VDAC1: variants seen among roughly 807,000 people sequenced by gnomAD.
VDAC1 encodes voltage dependent anion channel 1.
VDAC1 carries 10 observed loss-of-function variants against 34.7 expected under a neutral mutation model. The observed-to-expected ratio is 0.29, with a 90% CI of 0.18 to 0.49. VDAC1 has a LOEUF of 0.49. Among genes scored for constraint, VDAC1 ranks in the 20% least tolerant of loss-of-function variants. The probability of loss-of-function intolerance (pLI) is 0.99; values close to 1 mark genes in which losing one functional copy is unlikely to be tolerated. For missense variants in VDAC1, 230 were observed against 347.9 expected (o/e 0.66, Z 2.69); for synonymous variants, 130 against 136.0 (o/e 0.96, Z 0.30).
chr5:133,976,032 G>A lies in VDAC1; in HGVS notation c.552-11C>T. Reference sequence around the variant, plus strand: ...TCTGTCCCGTCATTCCTGCAAACAAGCACAGGACAGATGCTGAGCTTCCCA... The same window carrying A: ...TCTGTCCCGTCATTCCTGCAAACAAACACAGGACAGATGCTGAGCTTCCCA... On this transcript the variant is annotated splice_polypyrimidine_tract_variant and intron_variant, in intron 6 of 8. Transcript: ENST00000265333. 2 of 1,614,102 alleles carry A rather than the reference G, an allele frequency of 1.2e-6. No individual in the cohort carries two copies. Among genetic ancestry groups the A allele is most frequent in the Non-Finnish European group, 1.7e-6 (2 of 1,179,976 alleles).
At chr5:134,020,390 C>A in the VDAC1 span, among the ~76,000 whole-genome samples, 1 of 152,038 alleles carries the variant, frequency 6.6e-6, no homozygotes, top group Non-Finnish European at 1.5e-5. Context: ...ATTTGCTTCC[C>A]CTTAACTGTG....
intron 5 of VDAC1, among the ~76,000 whole-genome samples, chr5:133,990,397 A>G (rs1753062479): frequency 6.6e-6 from 1 of 152,210 alleles, no homozygotes; most frequent in South Asian, 2.1e-4. Flanking sequence ...CCAGCAGCCT[A>G]ACTCACATGA....
the VDAC1 span, among the ~76,000 whole-genome samples, chr5:134,046,359 CG>C: frequency 6.6e-6 from 1 of 151,874 alleles, no homozygotes; most frequent in Non-Finnish European, 1.5e-5. Flanking sequence ...AAAATAGAGA[CG>C]GGGTCTCCTT....
At chr5:133,985,842 A>G (rs1441659959) in intron 5 of VDAC1, among the ~76,000 whole-genome samples, 2 of 152,104 alleles carry the variant, frequency 1.3e-5, no homozygotes, top group Admixed American at 1.3e-4. Context: ...TCCTTTTTCA[A>G]TTTTTAATAA....
At chr5:134,030,671 G>A in the VDAC1 span, among the ~76,000 whole-genome samples, 3 of 151,176 alleles carry the variant, frequency 2.0e-5, no homozygotes, top group Non-Finnish European at 4.4e-5. Flanking sequence ...TGGTGACAGC[G>A]ATCTCAGCTC....
At chr5:134,114,122 G>A in the VDAC1 span, among the ~76,000 whole-genome samples, 3 of 152,200 alleles carry the variant, frequency 2.0e-5, no homozygotes, top group African/African-American at 7.2e-5. Flanking sequence ...TGTGCGAAGG[G>A]GGGTATACTT....
At chr5:133,992,380 C>G (rs996917117) in intron 2 of VDAC1, 25 bp from the exon 3 acceptor site, 1 of 1,542,896 alleles carries the variant, frequency 6.5e-7, no homozygotes, top group African/African-American at 1.4e-5. Context: ...AGACAACTGT[C>G]AATAGGTTAA....
the VDAC1 span, among the ~76,000 whole-genome samples, chr5:134,012,809 A>G: frequency 2.0e-5 from 3 of 152,192 alleles, no homozygotes; most frequent in African/African-American, 7.2e-5. Context: ...AAAATAACAG[A>G]ATTGGAGGCA....
chr5:134,111,140 G>C, the VDAC1 span, among the ~76,000 whole-genome samples: 1 of 152,150 alleles, frequency 6.6e-6, no homozygotes, highest in African/African-American at 2.4e-5. Flanking sequence ...GGCTCAGAGA[G>C]GGTCAGCAAT....
chr5:134,095,274 G>A, the VDAC1 span, among the ~76,000 whole-genome samples: 1 of 152,066 alleles, frequency 6.6e-6, no homozygotes, highest in South Asian at 2.1e-4. Context: ...CTGATGCCAG[G>A]AGTTCGAGAC....
chr5:134,113,197 T>A, the VDAC1 span, among the ~76,000 whole-genome samples: 8 of 152,256 alleles, frequency 5.3e-5, no homozygotes, highest in South Asian at 1.7e-3. Flanking sequence ...TGGGGAGACC[T>A]AATGGGCAGG....
At chr5:134,064,759 C>G in the VDAC1 span, among the ~76,000 whole-genome samples, 3 of 151,662 alleles carry the variant, frequency 2.0e-5, no homozygotes, top group African/African-American at 7.3e-5. Flanking sequence ...GCTCTATCAC[C>G]CAGGCTAGAG....
intron 7 of VDAC1, among the ~76,000 whole-genome samples, chr5:133,975,639 TTAG>T (rs1016626905): frequency 1.3e-5 from 2 of 151,840 alleles, no homozygotes; most frequent in Non-Finnish European, 2.9e-5. Flanking sequence ...TTTTGTACTT[TTAG>T]TAGACAGGGT....
At chr5:134,077,123 A>G in the VDAC1 span, among the ~76,000 whole-genome samples, 2 of 151,976 alleles carry the variant, frequency 1.3e-5, no homozygotes, top group Non-Finnish European at 2.9e-5. Flanking sequence ...TTAAAAATAC[A>G]AAAATTAGCC....
intron 3 of VDAC1, 92 bp from the exon 4 acceptor site, chr5:133,991,246 G>A (rs955978318): frequency 6.6e-7 from 1 of 1,523,528 alleles, no homozygotes; most frequent in African/African-American, 1.4e-5. Flanking sequence ...TTCTGCAAGA[G>A]GCAAGACCCT....
chr5:134,041,735 G>A, the VDAC1 span, among the ~76,000 whole-genome samples: 2 of 152,156 alleles, frequency 1.3e-5, no homozygotes, highest in Non-Finnish European at 2.9e-5. Flanking sequence ...CACACAGGGC[G>A]CTTTGCATGG....
the VDAC1 span, among the ~76,000 whole-genome samples, chr5:134,079,328 G>C: frequency 6.6e-6 from 1 of 152,314 alleles, no homozygotes; most frequent in East Asian, 1.9e-4. Flanking sequence ...GCCCATACGT[G>C]GAATGGGACC....
the VDAC1 span, among the ~76,000 whole-genome samples, chr5:134,037,932 C>G: frequency 6.6e-6 from 1 of 152,152 alleles, no homozygotes; most frequent in Non-Finnish European, 1.5e-5. Context: ...TTAAGGCAAT[C>G]AGAGTGAAAA....
the VDAC1 span, among the ~76,000 whole-genome samples, chr5:134,031,853 A>G: frequency 6.6e-6 from 1 of 150,890 alleles, no homozygotes; most frequent in Non-Finnish European, 1.5e-5. Flanking sequence ...TGGGAGGCTG[A>G]GGCAGGAGAA....
Sources: allele counts gnomAD v4.1 joint callset (sites outside exome capture counted in the v4.1 genomes callset), GRCh38; gene constraint gnomAD v4.1.1; transcripts MANE v1.5; gene names NCBI Gene and HGNC (gene_info 2026-07-23, HGNC 2026-07-21).